The following NDUFB9 variants were observed in gnomAD, a reference collection of about 807,000 sequenced individuals.
The protein encoded by NDUFB9 is NADH dehydrogenase [ubiquinone] 1 beta subcomplex subunit 9.
In NDUFB9, 24 loss-of-function variants were observed where a neutral mutation model predicts 30.2. The ratio of observed to expected loss-of-function variants is 0.80; its 90% CI spans 0.58 to 1.12. NDUFB9 has a LOEUF of 1.12. Ranked by LOEUF, NDUFB9 falls within the 50% of genes most tolerant of loss-of-function variation. The probability of loss-of-function intolerance (pLI) is 0.00; values close to 1 mark genes in which losing one functional copy is unlikely to be tolerated. For missense variants in NDUFB9, 204 were observed against 226.0 expected, an observed-to-expected ratio of 0.90 and a Z score of 0.62; for synonymous variants, 80 against 84.0, an observed-to-expected ratio of 0.95 and a Z score of 0.26.
chr8:124,547,026 G>A lies in NDUFB9; in HGVS notation c.321G>A (p.Trp107Ter). ...TCCCAGAATGGTGCTTAGATGACTG[G>A]CATCCTTCTGAGAAGGCAATGTATC... The part of the protein sequence containing the change: ...YKVPEWCLDD[W>*]HPSEKAMYPD... Residue 107 changes from tryptophan to a stop codon, truncating the protein, a stop_gained, in exon 3 of 4, where the codon TGG (tryptophan) becomes TGA (stop). Transcript: ENST00000276689. LOFTEE classifies it high-confidence loss of function. The A allele has an allele frequency of 6.2e-7, 1 of 1,612,328 alleles. No homozygotes were observed.
chr8:124,541,307 T>C (rs928153995), intron 1 of NDUFB9, among the ~76,000 whole-genome samples: 4 of 152,242 alleles, frequency 2.6e-5, no homozygotes, highest in Admixed American at 2.0e-4. Context: ...CCTCCGCTAA[T>C]GGTATTATTA....
At chr8:124,545,269 T>C (rs1015444480) in intron 2 of NDUFB9, among the ~76,000 whole-genome samples, 2 of 152,202 alleles carry the variant, frequency 1.3e-5, no homozygotes, top group Non-Finnish European at 2.9e-5. Context: ...GAGGATTGAC[T>C]CCAATTTTGC....
At chr8:124,546,248 T>C (rs1233394659) in intron 2 of NDUFB9, among the ~76,000 whole-genome samples, 1 of 152,214 alleles carries the variant, frequency 6.6e-6, no homozygotes, top group African/African-American at 2.4e-5. Context: ...AAAATGGGAA[T>C]CAATCCTCTC....
rs909268963 is a variant in NDUFB9 at position 124,546,843 on chromosome 8, T to C, written c.295-157T>C. On this transcript the variant is annotated intron_variant, in intron 2 of 3. Coordinates refer to ENST00000276689, the MANE Select transcript of NDUFB9 (RefSeq NM_005005.3). ...TTCCTTTATCTTTGCTTCCTACTTATCCTCTGCTGTTCCTTGCTTAGAGTT... is the reference window on the plus strand; with the variant it reads ...TTCCTTTATCTTTGCTTCCTACTTACCCTCTGCTGTTCCTTGCTTAGAGTT... The C allele has an allele frequency of 4.2e-6, 3 of 711,344 alleles. No homozygotes were observed. In the Admixed American group the frequency reaches 5.9e-5, roughly 14 times the overall value. 44.1% of individuals were successfully genotyped at this position (711,344 alleles called of 1,614,324 possible).
chr8:124,547,249 A>G, intron 3 of NDUFB9, 136 bp downstream of exon 3: 1 of 732,686 alleles, frequency 1.4e-6, no homozygotes. Flanking sequence ...TTAGTATCTA[A>G]GTGTATCAAT....
chr8:124,543,397 C>T, intron 2 of NDUFB9, 118 bp downstream of exon 2: 1 of 1,032,542 alleles, frequency 9.7e-7, no homozygotes, highest in East Asian at 2.5e-5. Flanking sequence ...TATTTCCTGA[C>T]AGTTGTCAGA....
chr8:124,546,938 G>T (rs1483718783), intron 2 of NDUFB9, 62 bp from the exon 3 acceptor site: 1 of 1,105,968 alleles, frequency 9.0e-7, no homozygotes, highest in Non-Finnish European at 1.4e-6. Context: ...TCCTGAGCAG[G>T]CCCTGTCAGG....
At chr8:124,539,613 C>A (rs1821845200) in intron 1 of NDUFB9, among the ~76,000 whole-genome samples, 1 of 152,224 alleles carries the variant, frequency 6.6e-6, no homozygotes, top group African/African-American at 2.4e-5. Flanking sequence ...CCAGCGCTCG[C>A]TCAATCGTTT....
chr8:124,539,490 G>T (rs939648051), intron 1 of NDUFB9: 2 of 580,978 alleles, frequency 3.4e-6, no homozygotes, highest in African/African-American at 1.9e-5. Context: ...GTTGCTTGTC[G>T]GGTCTGGGCG....
intron 3 of NDUFB9, among the ~76,000 whole-genome samples, chr8:124,547,999 A>AG (rs1491489084): frequency 6.6e-6 from 1 of 151,086 alleles, no homozygotes; most frequent in African/African-American, 2.4e-5. Flanking sequence ...GAAAAAAAAA[A>AG]GAGAGAATGG....
At chr8:124,542,034 GC>G (rs1325807289) in intron 1 of NDUFB9, among the ~76,000 whole-genome samples, 3 of 151,728 alleles carry the variant, frequency 2.0e-5, no homozygotes, top group Non-Finnish European at 4.4e-5. Context: ...TCCTGCCTTG[GC>G]CCCCAGAGTA....
chr8:124,544,599 A>G (rs1489335557), intron 2 of NDUFB9, among the ~76,000 whole-genome samples: 3 of 152,176 alleles, frequency 2.0e-5, no homozygotes, highest in African/African-American at 7.2e-5. Flanking sequence ...TGAGGCCCTT[A>G]AGAATTATGC....
intron 2 of NDUFB9, among the ~76,000 whole-genome samples, chr8:124,544,738 A>G (rs538584579): frequency 1.3e-5 from 2 of 152,350 alleles, no homozygotes; most frequent in South Asian, 2.1e-4. Flanking sequence ...TGCTAACACA[A>G]CATCCATTCT....
At chr8:124,546,862 TA>T in intron 2 of NDUFB9, 137 bp from the exon 3 acceptor site, 1 of 757,080 alleles carries the variant, frequency 1.3e-6, no homozygotes, top group South Asian at 1.4e-5. Context: ...GTTCCTTGCT[TA>T]GAGTTAGAAA....
At chr8:124,547,862 T>C (rs938403958) in intron 3 of NDUFB9, among the ~76,000 whole-genome samples, 4 of 152,100 alleles carry the variant, frequency 2.6e-5, no homozygotes, top group African/African-American at 9.7e-5. Flanking sequence ...TGTGCACCTG[T>C]AATCCCAGCT....
intron 2 of NDUFB9, among the ~76,000 whole-genome samples, chr8:124,545,001 A>G (rs955377255): frequency 3.3e-5 from 5 of 152,244 alleles, no homozygotes; most frequent in African/African-American, 1.2e-4. Flanking sequence ...GAAGGGCTCA[A>G]GACTTCAGCA....
intron 2 of NDUFB9, among the ~76,000 whole-genome samples, chr8:124,545,229 C>T (rs1822125672): frequency 6.6e-6 from 1 of 152,202 alleles, no homozygotes; most frequent in Admixed American, 6.5e-5. Flanking sequence ...AGCACATCAA[C>T]TTAGTTGATT....
chr8:124,545,854 T>C (rs1822144241), intron 2 of NDUFB9, among the ~76,000 whole-genome samples: 1 of 151,968 alleles, frequency 6.6e-6, no homozygotes. Flanking sequence ...AATTATGTCT[T>C]TTTTTTGGTG....
At chr8:124,547,650 A>G (rs1822194645) in intron 3 of NDUFB9, among the ~76,000 whole-genome samples, 1 of 152,008 alleles carries the variant, frequency 6.6e-6, no homozygotes. Context: ...GACTGACTGG[A>G]TGTTGAGGGT....
Sources: gnomAD v4.1 joint callset for allele counts (sites outside exome capture counted in the v4.1 genomes callset) on GRCh38, gnomAD v4.1.1 for gene constraint, MANE v1.5 for transcripts, NCBI Gene and HGNC (gene_info 2026-07-23, HGNC 2026-07-21) for gene names.